The following GFPT2 variants were observed in gnomAD, a reference collection of about 807,000 sequenced individuals.
GFPT2 encodes the protein glutamine--fructose-6-phosphate transaminase 2.
GFPT2 carries 62 observed loss-of-function variants against 85.6 expected under a neutral mutation model. That is an observed-to-expected ratio of 0.72 (90% CI 0.59 to 0.90). The LOEUF is 0.90. GFPT2 is among the 40% of genes least tolerant of loss of function. The probability of loss-of-function intolerance (pLI) is 0.00; values close to 1 mark genes in which losing one functional copy is unlikely to be tolerated. For synonymous variants in GFPT2, 368 were observed against 344.5 expected (o/e 1.07, Z -0.75); for missense variants, 788 against 893.4 (o/e 0.88, Z 1.50).
intron 4 of GFPT2, among the ~76,000 whole-genome samples, chr5:180,332,468 T>A (rs1764322745): frequency 6.6e-6 from 1 of 152,222 alleles, no homozygotes; most frequent in Admixed American, 6.5e-5. Flanking sequence ...GGTGTCTAGA[T>A]GTGGGATACG....
rs779630983 is a variant in GFPT2, at chr5:180,313,936, C to T, written c.1302G>A (p.Leu434=). 1 of 1,603,264 alleles carries T rather than the reference C, an allele frequency of 6.2e-7. No homozygotes were observed. The highest frequency in any genetic ancestry group is 1.1e-5 in the South Asian group (1 of 90,698). ...SGETADTLLA[L]RYCKDRGALT... is the part of the protein sequence containing the mutation. ...GAGCGCCGCGGTCCTTACAGTAGCG[C>T]AGCGCCAGGAGGGTGTCCGCGGTCT... The change falls in exon 14 of 19, where the codon CTG becomes CTA. Residue 434 remains leucine (L), a synonymous_variant. Transcript: ENST00000253778.
intron 1 of GFPT2, among the ~76,000 whole-genome samples, chr5:180,345,327 G>A (rs1383640962): frequency 1.3e-5 from 2 of 152,268 alleles, no homozygotes; most frequent in South Asian, 2.1e-4. Context: ...ACAAGGCCGC[G>A]TTGCTGTACT....
chr5:180,348,615 A>T (rs1764654893), intron 1 of GFPT2, among the ~76,000 whole-genome samples: 1 of 152,200 alleles, frequency 6.6e-6, no homozygotes, highest in African/African-American at 2.4e-5. Flanking sequence ...CCCTGGAGAC[A>T]GCCCCAGACT....
intron 7 of GFPT2, among the ~76,000 whole-genome samples, chr5:180,325,536 A>G (rs547845107): frequency 6.6e-6 from 1 of 152,366 alleles, no homozygotes; most frequent in South Asian, 2.1e-4. Context: ...AAAGAGGACA[A>G]TAACTGTCAC....
rs761660822 is a variant in GFPT2 at position 180,313,997 on chromosome 5, C to T, written c.1274-33G>A. The T allele has an allele frequency of 1.7e-5, 26 of 1,557,304 alleles. No individual in the cohort carries two copies. The East Asian group carries it at 5.9e-4, about 35-fold the overall frequency. ...CCAGGGGCCCTCTCAGTGCCGCGCTCCGCCAGCCTCGGCCCCACCCCAAAC... is the reference window on the plus strand; with the variant it reads ...CCAGGGGCCCTCTCAGTGCCGCGCTTCGCCAGCCTCGGCCCCACCCCAAAC... On this transcript the variant is annotated intron_variant, in intron 13 of 18. Transcript: ENST00000253778.
rs55727294 is a variant in GFPT2, at chr5:180,323,337, G to A, written c.794+851C>T. On this transcript the variant is annotated intron_variant, in intron 9 of 18. Transcript: ENST00000253778. This position sits in a 1 kb window ranked among gnomAD's most constrained non-coding sequence, Gnocchi z 4.0. The stretch of plus-strand genomic sequence containing the variant: ...CAGGCCTCGCCTCCCTGTCGCTCCC[G>A]TTTCCCAGGAGACCCGGCCTGGTGT... Among the ~76,000 whole-genome samples the A allele has an allele frequency of 0.17, 25,601 of 152,072 alleles. 2,160 individuals carry two copies. The highest frequency in any genetic ancestry group is 0.23 in the East Asian group (1,172 of 5,138).
At chr5:180,344,658 G>A (rs1329231393) in intron 1 of GFPT2, among the ~76,000 whole-genome samples, 3 of 152,144 alleles carry the variant, frequency 2.0e-5, no homozygotes, top group Non-Finnish European at 2.9e-5. Context: ...CAGCCAGGCC[G>A]GACCTCTGGC....
In GFPT2 at chr5:180,323,885, T is replaced by C. The variant is rs1430396336; in HGVS notation, c.794+303A>G. Among the ~76,000 whole-genome samples, 1 of 152,248 alleles carries C rather than the reference T, an allele frequency of 6.6e-6. No individual in the cohort carries two copies. Among genetic ancestry groups the C allele is most frequent in the Non-Finnish European group, 1.5e-5 (1 of 68,042 alleles). On this transcript the variant is annotated intron_variant, in intron 9 of 18. Coordinates refer to ENST00000253778, the MANE Select transcript of GFPT2 (RefSeq NM_005110.4). This position sits in a 1 kb window ranked among gnomAD's most constrained non-coding sequence, Gnocchi z 4.0. Reference sequence around the variant, plus strand: ...AGAGAAGCTAGAGATTTCAGATTTCTCTGTGAAATCTCCAAATTTTACAAC... The same window carrying C: ...AGAGAAGCTAGAGATTTCAGATTTCCCTGTGAAATCTCCAAATTTTACAAC...
rs975563453 is a variant in GFPT2 at position 180,313,957 on chromosome 5, G to A, written c.1281C>T (p.Thr427=). ...AGCGCAGCGCCAGGAGGGTGTCCGCGGTCTCGCCTGCCGCCCAGGGGCCCT... is the reference window on the plus strand; with the variant it reads ...AGCGCAGCGCCAGGAGGGTGTCCGCAGTCTCGCCTGCCGCCCAGGGGCCCT... The part of the protein sequence containing the change: ...VCFFISQSGE[T]ADTLLALRYC... Residue 427 remains threonine (T), a synonymous_variant, in exon 14 of 19, where the codon ACC becomes ACT. Transcript: ENST00000253778. 10 of 1,595,738 alleles carry A rather than the reference G, an allele frequency of 6.3e-6. No individual in the cohort carries two copies. Among genetic ancestry groups the A allele is most frequent in the South Asian group, 2.2e-5 (2 of 89,994 alleles).
At chr5:180,346,867 T>G (rs767659253) in intron 1 of GFPT2, among the ~76,000 whole-genome samples, 12 of 152,218 alleles carry the variant, frequency 7.9e-5, no homozygotes, top group Non-Finnish European at 2.9e-5. Context: ...AAGGCATCAC[T>G]GGCAGGCGAC....
At chr5:180,307,764 A>C (rs1217709252) in intron 15 of GFPT2, among the ~76,000 whole-genome samples, 1 of 152,222 alleles carries the variant, frequency 6.6e-6, no homozygotes, top group Non-Finnish European at 1.5e-5. Flanking sequence ...ATTATTGCAC[A>C]TCCCCAAGAG....
At chr5:180,344,591 G>C (rs1030291963) in intron 1 of GFPT2, among the ~76,000 whole-genome samples, 1 of 152,228 alleles carries the variant, frequency 6.6e-6, no homozygotes, top group Non-Finnish European at 1.5e-5. Flanking sequence ...ATTCTGCTGA[G>C]TGGGACCTGA....
intron 13 of GFPT2, 48 bp from the exon 14 acceptor site, chr5:180,314,012 C>T (rs1303685053): frequency 9.2e-6 from 14 of 1,520,124 alleles, no homozygotes; most frequent in Non-Finnish European, 1.2e-5. Context: ...AGCCTCGGCC[C>T]CACCCCAAAC....
intron 1 of GFPT2, among the ~76,000 whole-genome samples, chr5:180,341,822 G>A (rs746877891): frequency 6.6e-6 from 1 of 152,224 alleles, no homozygotes; most frequent in Non-Finnish European, 1.5e-5. Flanking sequence ...CACTGCTGCT[G>A]AGTATTTATG....
At chr5:180,315,405 C>G (rs1001221326) in intron 13 of GFPT2, among the ~76,000 whole-genome samples, 3 of 152,166 alleles carry the variant, frequency 2.0e-5, no homozygotes, top group Non-Finnish European at 4.4e-5. Context: ...GCCTCAATCT[C>G]CTGACCTCGT....
At position 180,301,598 on chromosome 5, in the gene GFPT2, G is replaced by A; in HGVS notation, c.2015C>T (p.Pro672Leu). The part of the protein sequence containing the change: ...AVLRGYDVDF[P>L]RNLAKSVTVE ...AGTTACAGACTTGGCCAGATTTCTGGGGAAGTCAACCTAAAATGAAAGAAA... is the reference window on the plus strand; with the variant it reads ...AGTTACAGACTTGGCCAGATTTCTGAGGAAGTCAACCTAAAATGAAAGAAA... The change falls in exon 19 of 19, where the codon CCC becomes CTC. Residue 672 changes from proline to leucine, a missense_variant. Coordinates refer to ENST00000253778, the MANE Select transcript of GFPT2 (RefSeq NM_005110.4). 1 of 1,613,526 alleles carries A rather than the reference G, an allele frequency of 6.2e-7. No individual in the cohort carries two copies. Among genetic ancestry groups the A allele is most frequent in the Non-Finnish European group, 8.5e-7 (1 of 1,179,436 alleles).
chr5:180,347,718 C>T (rs1008266255), intron 1 of GFPT2, among the ~76,000 whole-genome samples: 8 of 152,242 alleles, frequency 5.3e-5, no homozygotes, highest in East Asian at 1.9e-4. Flanking sequence ...CAATGGCCAG[C>T]GCAGGGAGAT....
At chr5:180,315,530 T>C (rs67104945) in intron 13 of GFPT2, among the ~76,000 whole-genome samples, 6,007 of 152,246 alleles carry the variant, frequency 0.039, 124 homozygotes, top group Middle Eastern at 0.11. Flanking sequence ...AGTATTTATA[T>C]GGATGAATAT....
chr5:180,308,345 AC>A (rs1763818816), intron 15 of GFPT2, among the ~76,000 whole-genome samples: 1 of 152,150 alleles, frequency 6.6e-6, no homozygotes, highest in Admixed American at 6.5e-5. Flanking sequence ...TAAATCTATT[AC>A]ATTACTTCAT....
Sources: gnomAD v4.1 joint callset for allele counts (sites outside exome capture counted in the v4.1 genomes callset) on GRCh38, gnomAD v4.1.1 for gene constraint, Gnocchi (gnomAD v3.1) non-coding constraint, MANE v1.5 for transcripts, NCBI Gene and HGNC (gene_info 2026-07-23, HGNC 2026-07-21) for gene names.